The following CCDC141 variants were observed in gnomAD, a reference collection of about 807,000 sequenced individuals.
The protein encoded by CCDC141 is coiled-coil domain-containing protein 141.
Under a neutral mutation model 181.0 loss-of-function variants are expected in CCDC141, and 168 were observed. The ratio of observed to expected loss-of-function variants is 0.93; its 90% CI spans 0.82 to 1.05. The LOEUF (loss-of-function observed/expected upper bound fraction) is 1.05. Ranked by LOEUF, CCDC141 falls within the 50% of genes least tolerant of loss-of-function variation. The pLI, the probability that CCDC141 is intolerant of heterozygous loss-of-function variation, is 0.00. For missense variants in CCDC141, 1,902 were observed against 1,788.5 expected, an observed-to-expected ratio of 1.06 and a Z score of -1.14; for synonymous variants, 666 against 642.3, an observed-to-expected ratio of 1.04 and a Z score of -0.56.
At chr2:179,041,677 A>G (rs747077195) in intron 2 of CCDC141, among the ~76,000 whole-genome samples, 37 of 152,184 alleles carry the variant, frequency 2.4e-4, no homozygotes, top group Non-Finnish European at 4.7e-4. Context: ...ATCATCTCAC[A>G]TGCAAAGACT....
chr2:178,962,930 G>A (rs189368730), intron 4 of CCDC141, among the ~76,000 whole-genome samples: 96 of 151,964 alleles, frequency 6.3e-4, no homozygotes, highest in Non-Finnish European at 1.1e-3. Context: ...TATCTTTACC[G>A]TACTCATATT....
At chr2:178,897,690 A>G (rs959108989) in intron 8 of CCDC141, among the ~76,000 whole-genome samples, 1 of 152,198 alleles carries the variant, frequency 6.6e-6, no homozygotes, top group Non-Finnish European at 1.5e-5. Context: ...CAATTATATC[A>G]GTTAATTTTA....
At chr2:179,032,011 C>T (rs1162371705) in intron 2 of CCDC141, among the ~76,000 whole-genome samples, 3 of 152,054 alleles carry the variant, frequency 2.0e-5, no homozygotes, top group Admixed American at 6.6e-5. Context: ...ATCACAGAAC[C>T]ATCTATACAA....
the CCDC141 span, chr2:178,817,788 T>TTCCC: frequency 1.5e-5 from 4 of 272,988 alleles, no homozygotes; most frequent in Admixed American, 5.5e-5. Flanking sequence ...CCTTCCTTCC[T>TTCCC]TCCTTCCTCC....
intron 2 of CCDC141, among the ~76,000 whole-genome samples, chr2:179,008,920 A>G (rs1559044175): frequency 6.6e-6 from 1 of 152,184 alleles, no homozygotes; most frequent in East Asian, 1.9e-4. Context: ...CCATAAGATA[A>G]AGAGAAACCT....
intron 7 of CCDC141, among the ~76,000 whole-genome samples, chr2:178,907,691 T>C (rs1688033451): frequency 6.6e-6 from 1 of 152,164 alleles, no homozygotes; most frequent in African/African-American, 2.4e-5. Flanking sequence ...CAACAAAATG[T>C]TGATGTTAGA....
Position 178,865,929 on chromosome 2 carries a change from A to G in CCDC141, c.2575-13T>C. ...CATTAGAGCAGTGCTAAAAGAGACA[A>G]ATGGTGGTAACAGAGAGAAAGGACG... On this transcript the variant is annotated splice_polypyrimidine_tract_variant and intron_variant, in intron 16 of 23. Transcript: ENST00000443758. The G allele has an allele frequency of 6.7e-7, 1 of 1,499,002 alleles. No individual in the cohort carries two copies. Among genetic ancestry groups the G allele is most frequent in the Non-Finnish European group, 8.9e-7 (1 of 1,120,044 alleles). 92.9% of individuals were successfully genotyped at this position (1,499,002 alleles called of 1,614,324 possible).
intron 8 of CCDC141, among the ~76,000 whole-genome samples, chr2:178,905,029 C>T (rs1054661562): frequency 2.0e-5 from 3 of 152,124 alleles, no homozygotes; most frequent in East Asian, 3.8e-4. Context: ...GTTTGAAAAG[C>T]CTTGGGAACT....
At chr2:178,961,162 G>A in intron 5 of CCDC141, 68 bp downstream of exon 5, 1 of 1,481,724 alleles carries the variant, frequency 6.7e-7, no homozygotes. Context: ...CTGCCCCAGG[G>A]AATGGTTAAT....
intron 16 of CCDC141, among the ~76,000 whole-genome samples, chr2:178,867,369 A>T (rs757150750): frequency 6.6e-6 from 1 of 152,190 alleles, no homozygotes; most frequent in Admixed American, 6.5e-5. Flanking sequence ...AAATAAAAAG[A>T]TAGAGCAAAA....
Position 178,869,201 on chromosome 2 carries a change from G to A in CCDC141, c.2310C>T (p.His770=), listed in dbSNP as rs200376493. ...EKSQQLKDLI[H]FHQKQKERIQ... The stretch of plus-strand genomic sequence containing the variant: ...TTCTCTCTTTCTGTTTTTGATGGAA[G>A]TGAATAAGGTCCTTCAGTTGTTGAG... Residue 770 remains histidine, a synonymous_variant, in exon 15 of 24, where the codon CAC becomes CAT. Coordinates refer to ENST00000443758, the MANE Select transcript of CCDC141 (RefSeq NM_173648.4). The A allele has an allele frequency of 8.2e-5, 132 of 1,613,528 alleles. 1 individual carries two copies. The Middle Eastern group carries it at 2.6e-3, about 32-fold the overall frequency.
intron 11 of CCDC141, among the ~76,000 whole-genome samples, chr2:178,878,393 G>T (rs1192389435): frequency 6.6e-6 from 1 of 151,292 alleles, no homozygotes; most frequent in Non-Finnish European, 1.5e-5. Context: ...CAAACTCTTG[G>T]GGTCAAGCAA....
chr2:179,039,821 C>A (rs1218436227), intron 2 of CCDC141, among the ~76,000 whole-genome samples: 1 of 152,184 alleles, frequency 6.6e-6, no homozygotes, highest in South Asian at 2.1e-4. Flanking sequence ...ATCTTGACAG[C>A]ATATTAGCTA....
chr2:179,022,331 C>T (rs2042713046), intron 2 of CCDC141, among the ~76,000 whole-genome samples: 1 of 152,208 alleles, frequency 6.6e-6, no homozygotes, highest in Non-Finnish European at 1.5e-5. Context: ...GAGAATAACA[C>T]ATTCCCTAAG....
intron 2 of CCDC141, among the ~76,000 whole-genome samples, chr2:179,028,088 C>T (rs1016795421): frequency 6.6e-6 from 1 of 152,158 alleles, no homozygotes; most frequent in South Asian, 2.1e-4. Flanking sequence ...CCAGACTTCC[C>T]ACCCAGGATA....
chr2:179,018,288 A>C (rs1292333850), intron 2 of CCDC141, among the ~76,000 whole-genome samples: 1 of 152,146 alleles, frequency 6.6e-6, no homozygotes, highest in Non-Finnish European at 1.5e-5. Context: ...CATATCCTGC[A>C]TGTTTTCCTG....
chr2:178,858,610 T>G (rs1043697554), intron 17 of CCDC141, among the ~76,000 whole-genome samples: 4 of 152,138 alleles, frequency 2.6e-5, no homozygotes, highest in Non-Finnish European at 2.9e-5. Context: ...AACTATACAC[T>G]TAAAACAGTT....
chr2:178,824,061 A>ACACACACAC, the CCDC141 span, among the ~76,000 whole-genome samples: 19 of 147,524 alleles, frequency 1.3e-4, no homozygotes, highest in South Asian at 1.1e-3. Flanking sequence ...TACAGAGAAA[A>ACACACACAC]ACACACACAC....
At chr2:178,953,327 C>T (rs1690033395) in intron 5 of CCDC141, among the ~76,000 whole-genome samples, 1 of 151,964 alleles carries the variant, frequency 6.6e-6, no homozygotes, top group South Asian at 2.1e-4. Flanking sequence ...GTCCCAGCTA[C>T]TCGGGAGGCT....
Sources: gnomAD v4.1 joint callset for allele counts (sites outside exome capture counted in the v4.1 genomes callset) on GRCh38, gnomAD v4.1.1 for gene constraint, MANE v1.5 for transcripts, NCBI Gene and HGNC (gene_info 2026-07-23, HGNC 2026-07-21) for gene names.